Variants in DISC1 observed in about 807,000 individuals in gnomAD.
The protein encoded by DISC1 is DISC1 scaffold protein, also known as disrupted in schizophrenia 1 protein.
In DISC1, 57 loss-of-function variants were observed where a neutral mutation model predicts 84.5. The observed-to-expected ratio is 0.67, with a 90% confidence interval of 0.55 to 0.84. The LOEUF is 0.84. DISC1 is among the 40% of genes least tolerant of loss of function. The pLI is 0.00. For synonymous variants in DISC1, 411 were observed against 415.2 expected (o/e 0.99, Z 0.12); for missense variants, 1,000 against 1,057.8 (o/e 0.95, Z 0.76).
rs185849837 is a variant in DISC1 at position 231,649,952 on chromosome 1, G to A, written c.67+23018G>A. Reference sequence around the variant, plus strand: ...CCATCCCTTTATTTTGAGCCTATGTGTGTCTCTGCACGTGAGATTGGTCTC... The same window carrying A: ...CCATCCCTTTATTTTGAGCCTATGTATGTCTCTGCACGTGAGATTGGTCTC... On this transcript the variant is annotated intron_variant, in intron 1 of 12. Transcript: ENST00000439617. 5.9e-5 allele frequency among the ~76,000 whole-genome samples: 9 copies of A among 152,212 alleles called. No individual in the cohort carries two copies. In the East Asian group the frequency reaches 1.7e-3, roughly 29 times the overall value.
rs1473034566 is a variant in DISC1, at chr1:231,988,379, C to CT, written c.2043-20401dup. On this transcript the variant is annotated intron_variant, in intron 10 of 12. Transcript: ENST00000439617. The stretch of plus-strand genomic sequence containing the variant: ...GTTAATTATTTTTTAAGTCACAAAT[C>CT]TTTTTAAAAATCTACTATGATCTGA... 4.6e-5 allele frequency among the ~76,000 whole-genome samples: 7 copies of CT among 152,314 alleles called. No homozygotes were observed. In the South Asian group the frequency reaches 1.2e-3, roughly 27 times the overall value.
chr1:231,933,425 T>C (rs1220793451), intron 9 of DISC1, among the ~76,000 whole-genome samples: 2 of 152,178 alleles, frequency 1.3e-5, no homozygotes, highest in Non-Finnish European at 2.9e-5. Context: ...AAATAAATAA[T>C]CCAGCCACTT....
chr1:231,735,799 C>G (rs1201222003), intron 3 of DISC1, among the ~76,000 whole-genome samples: 1 of 152,104 alleles, frequency 6.6e-6, no homozygotes, highest in African/African-American at 2.4e-5. Flanking sequence ...CAAACTGTAA[C>G]ACTCATTCAT....
chr1:231,932,467 C>T (rs1194649313), intron 9 of DISC1, among the ~76,000 whole-genome samples: 1 of 152,172 alleles, frequency 6.6e-6, no homozygotes. Context: ...TAACCTAACA[C>T]ATAGGGATTA....
chr1:231,894,517 A>G (rs1034032755), intron 9 of DISC1, among the ~76,000 whole-genome samples: 1 of 150,014 alleles, frequency 6.7e-6, no homozygotes, highest in South Asian at 2.1e-4. Flanking sequence ...TTTTTTTTCT[A>G]TTTCTTGTTT....
chr1:231,802,914 T>C (rs1330110338), intron 8 of DISC1, among the ~76,000 whole-genome samples: 1 of 152,174 alleles, frequency 6.6e-6, no homozygotes, highest in Non-Finnish European at 1.5e-5. Flanking sequence ...GGCTTCTGCC[T>C]ACTACCAAGT....
chr1:231,671,836 G>T (rs756074351), intron 1 of DISC1, among the ~76,000 whole-genome samples: 1 of 152,140 alleles, frequency 6.6e-6, no homozygotes, highest in Non-Finnish European at 1.5e-5. Context: ...TGTGAAGGAG[G>T]TTAGTAATAG....
intron 12 of DISC1, among the ~76,000 whole-genome samples, chr1:232,032,571 G>A (rs148669395): frequency 1.4e-3 from 211 of 152,272 alleles, no homozygotes; most frequent in Middle Eastern, 0.01. Context: ...TCATCCCTGC[G>A]ACGTTGTTAT....
intron 9 of DISC1, among the ~76,000 whole-genome samples, chr1:231,917,296 A>G (rs2089704694): frequency 6.6e-6 from 1 of 152,136 alleles, no homozygotes; most frequent in African/African-American, 2.4e-5. Flanking sequence ...TCTTCTATCG[A>G]GATGCAATCA....
intron 1 of DISC1, among the ~76,000 whole-genome samples, chr1:231,662,388 C>T (rs1448203154): frequency 6.6e-6 from 1 of 151,926 alleles, no homozygotes; most frequent in Non-Finnish European, 1.5e-5. Flanking sequence ...GCCACCTCTC[C>T]CCCTGGGAGC....
At chr1:231,699,110 T>A (rs1246611194) in intron 2 of DISC1, among the ~76,000 whole-genome samples, 1 of 152,152 alleles carries the variant, frequency 6.6e-6, no homozygotes. Context: ...ATGATCCCCT[T>A]AGTCACAGAC....
In DISC1 at chr1:231,861,422, G is replaced by A. The variant is rs531557623; in HGVS notation, c.1981+42905G>A. ...GCTGAGATTACAGGAGTGAGCCACCGCACCCAGACTCTGTCATTGATTTTG... is the reference window on the plus strand; with the variant it reads ...GCTGAGATTACAGGAGTGAGCCACCACACCCAGACTCTGTCATTGATTTTG... On this transcript the variant is annotated intron_variant, in intron 9 of 12. Transcript: ENST00000439617. Among the ~76,000 whole-genome samples, 18 of 145,068 alleles carry A rather than the reference G, an allele frequency of 1.2e-4. 1 individual carries two copies. In the East Asian group the frequency reaches 1.7e-3, roughly 13 times the overall value.
intron 9 of DISC1, among the ~76,000 whole-genome samples, chr1:231,856,038 T>C (rs2084247493): frequency 6.6e-6 from 1 of 152,230 alleles, no homozygotes. Context: ...TTGACGTGCA[T>C]ATGCCGAAGG....
intron 3 of DISC1, among the ~76,000 whole-genome samples, chr1:231,733,603 GTGA>G (rs958711716): frequency 1.3e-5 from 2 of 149,044 alleles, no homozygotes; most frequent in Non-Finnish European, 3.0e-5. Context: ...GGTAGTTGTG[GTGA>G]TGATGGTAGG....
At chr1:231,952,159 A>G (rs1572294603) in intron 9 of DISC1, among the ~76,000 whole-genome samples, 1 of 151,930 alleles carries the variant, frequency 6.6e-6, no homozygotes, top group African/African-American at 2.4e-5. Context: ...GAATGTATGA[A>G]TGACAGTCAG....
chr1:231,739,824 T>A (rs1180444825), intron 3 of DISC1, among the ~76,000 whole-genome samples: 1 of 152,202 alleles, frequency 6.6e-6, no homozygotes, highest in African/African-American at 2.4e-5. Context: ...TTCCACATCA[T>A]CTGTATCACA....
intron 6 of DISC1, among the ~76,000 whole-genome samples, chr1:231,774,033 C>T (rs906342131): frequency 2.0e-5 from 3 of 151,588 alleles, no homozygotes; most frequent in African/African-American, 4.9e-5. Flanking sequence ...GAGGCCAAGG[C>T]GGGAAGAATG....
chr1:232,009,169 A>G lies in DISC1; in HGVS notation c.2307+120A>G. ...CTTCCCATTGAGCATATAAACTTTT[A>G]AAAGTTTCAATAACTCTTGAATATG... is the stretch of plus-strand genomic sequence containing the variant. On this transcript the variant is annotated intron_variant, in intron 11 of 12. Coordinates refer to ENST00000439617, the MANE Select transcript of DISC1 (RefSeq NM_018662.3). The surrounding 1 kb of genome is among the most constrained non-coding windows in gnomAD (Gnocchi z 4.6). 2 of 1,481,354 alleles carry G rather than the reference A, an allele frequency of 1.4e-6. No individual in the cohort carries two copies. Among genetic ancestry groups the G allele is most frequent in the Non-Finnish European group, 1.8e-6 (2 of 1,112,074 alleles). The allele number at this position is 1,481,354 out of a possible 1,614,324, so 91.8% of individuals were successfully genotyped here.
chr1:231,925,035 G>A (rs1007693355), intron 9 of DISC1, among the ~76,000 whole-genome samples: 1 of 151,672 alleles, frequency 6.6e-6, no homozygotes, highest in Admixed American at 6.6e-5. Context: ...ATAAGGTGAG[G>A]GCAAAATTGC....
Sources: allele counts gnomAD v4.1 joint callset (sites outside exome capture counted in the v4.1 genomes callset), GRCh38; gene constraint gnomAD v4.1.1; non-coding constraint Gnocchi (gnomAD v3.1); transcripts MANE v1.5; gene names NCBI Gene and HGNC (gene_info 2026-07-23, HGNC 2026-07-21).